The following HMCN1 variants were observed in gnomAD, a reference collection of about 807,000 sequenced individuals.
HMCN1 encodes hemicentin-1.
In HMCN1, 321 loss-of-function variants were observed where a neutral mutation model predicts 625.9. The ratio of observed to expected loss-of-function variants is 0.51; its 90% CI spans 0.47 to 0.56. The LOEUF (loss-of-function observed/expected upper bound fraction) is 0.56, where lower values mean the gene tolerates loss of function less well. Among genes scored for constraint, HMCN1 ranks in the 20% least tolerant of loss-of-function variants. The pLI is 0.00. For missense variants in HMCN1, 6,588 were observed against 6,887.3 expected, an observed-to-expected ratio of 0.96 and a Z score of 1.54; for synonymous variants, 2,425 against 2,417.6, an observed-to-expected ratio of 1.00 and a Z score of -0.09.
At chr1:186,063,294 T>C (rs1310587309) in intron 48 of HMCN1, among the ~76,000 whole-genome samples, 4 of 151,320 alleles carry the variant, frequency 2.6e-5, no homozygotes, top group Non-Finnish European at 4.4e-5. Context: ...ATAATTGGCA[T>C]TTGAAATTAA....
rs1376444145 is a variant in HMCN1 at position 185,982,298 on chromosome 1, A to G, written c.2699A>G (p.Asn900Ser). 3.7e-6 allele frequency: 6 copies of G among 1,613,110 alleles called. No individual in the cohort carries two copies. The highest frequency in any genetic ancestry group is 2.2e-5 in the South Asian group (2 of 91,060). Reference protein sequence around the residue: ...PLIGISPSVANVIEGQQLTLP... With the variant: ...PLIGISPSVASVIEGQQLTLP... ...ATTGGAATCAGCCCTTCAGTGGCCA[A>G]TGTTATTGAAGGACAGCAGCTTACT... The change falls in exon 18 of 107, where the codon AAT becomes AGT. Residue 900 changes from asparagine to serine, a missense_variant. Asn to Ser is a conservative substitution (Grantham distance 46). Coordinates refer to ENST00000271588, the MANE Select transcript of HMCN1 (RefSeq NM_031935.3).
At chr1:185,747,429 A>G (rs1489942172) in intron 1 of HMCN1, among the ~76,000 whole-genome samples, 4 of 151,278 alleles carry the variant, frequency 2.6e-5, no homozygotes, top group Non-Finnish European at 4.4e-5. Context: ...AGCAATTCTC[A>G]TGCCTTAGCC....
Position 186,018,352 on chromosome 1 carries a change from G to T in HMCN1, c.5470G>T (p.Val1824Phe). ...HKKEFEVTVH[V>F]PPTIKSSGLS... ...GAAGGAATTTGAAGTGACTGTTCAT[G>T]GTATGCTGAAGAAGGGACAGGAACT... The change falls in exon 34 of 107, where the codon GTT becomes TTT. Residue 1824 changes from valine (V) to phenylalanine (F), a missense_variant and splice_region_variant. Coordinates refer to ENST00000271588, the MANE Select transcript of HMCN1 (RefSeq NM_031935.3). 6.2e-7 allele frequency: 1 copy of T among 1,612,034 alleles called. No homozygotes were observed. Among genetic ancestry groups the T allele is most frequent in the South Asian group, 1.1e-5 (1 of 91,040 alleles).
chr1:186,135,195 G>T (rs900332714), intron 86 of HMCN1, among the ~76,000 whole-genome samples: 7 of 152,174 alleles, frequency 4.6e-5, no homozygotes, highest in Admixed American at 2.0e-4. Context: ...GTTGCATGCA[G>T]TTCCTTTTAC....
intron 2 of HMCN1, among the ~76,000 whole-genome samples, chr1:185,853,987 G>A (rs181375434): frequency 6.0e-4 from 91 of 152,282 alleles, no homozygotes; most frequent in Non-Finnish European, 1.2e-3. Context: ...CAATCCATAT[G>A]TGCTGCTTAG....
intron 29 of HMCN1, among the ~76,000 whole-genome samples, chr1:186,004,679 T>C (rs1056930858): frequency 4.6e-5 from 7 of 152,080 alleles, no homozygotes; most frequent in African/African-American, 1.4e-4. Context: ...AGTGCTCTGA[T>C]GGGGAGGATG....
chr1:186,058,238 A>G (rs1465372771), intron 46 of HMCN1, among the ~76,000 whole-genome samples: 4 of 151,996 alleles, frequency 2.6e-5, no homozygotes, highest in South Asian at 2.1e-4. Context: ...CTTATGGTGA[A>G]GTATAGCTTC....
At chr1:186,069,502 C>A (rs1192557065) in intron 50 of HMCN1, among the ~76,000 whole-genome samples, 161 bp from the exon 51 acceptor site, 1 of 152,144 alleles carries the variant, frequency 6.6e-6, no homozygotes, top group East Asian at 1.9e-4. Context: ...ACCATGCAAT[C>A]CCCATCAGTA....
chr1:185,860,897 C>A lies in HMCN1; in HGVS notation c.340-3573C>A, dbSNP rs571769247. Among the ~76,000 whole-genome samples, 4 of 151,840 alleles carry A rather than the reference C, an allele frequency of 2.6e-5. No individual in the cohort carries two copies. In the South Asian group the frequency reaches 8.4e-4, roughly 32 times the overall value. On this transcript the variant is annotated intron_variant, in intron 2 of 106. Transcript: ENST00000271588. ...GAAAATAAGGTGGTTCTAATACTTA[C>A]AGAAAAGGTTGTTGACCATCTTGAT...
chr1:186,057,672 T>C (rs963951406), intron 46 of HMCN1, among the ~76,000 whole-genome samples: 1 of 152,010 alleles, frequency 6.6e-6, no homozygotes, highest in South Asian at 2.1e-4. Context: ...GCATTCATGC[T>C]ACAGTGAGCA....
Position 185,838,887 on chromosome 1 carries a change from G to C in HMCN1, c.269-7139G>C, listed in dbSNP as rs545330030. Among the ~76,000 whole-genome samples, 5 of 152,290 alleles carry C rather than the reference G, an allele frequency of 3.3e-5. No individual in the cohort carries two copies. The South Asian group carries it at 1.0e-3, about 32-fold the overall frequency. ...ATACTGCCTGTTTGTTGAATGAATT[G>C]AAGCAAGTATTTAGGGAATACACAT... On this transcript the variant is annotated intron_variant, in intron 1 of 106. Transcript: ENST00000271588.
intron 4 of HMCN1, among the ~76,000 whole-genome samples, chr1:185,905,533 T>A (rs1401381287): frequency 6.6e-6 from 1 of 151,826 alleles, no homozygotes; most frequent in Admixed American, 6.6e-5. Context: ...TTCATTTGGA[T>A]GTAATGCATT....
chr1:185,830,089 G>A lies in HMCN1; in HGVS notation c.269-15937G>A, dbSNP rs533651932. 3.3e-5 allele frequency among the ~76,000 whole-genome samples: 5 copies of A among 152,180 alleles called. No homozygotes were observed. The East Asian group carries it at 9.6e-4, about 29-fold the overall frequency. On this transcript the variant is annotated intron_variant, in intron 1 of 106. Coordinates refer to ENST00000271588, the MANE Select transcript of HMCN1 (RefSeq NM_031935.3). ...CATATCCTTTGCCCACTTTTTGATA[G>A]AGTTGTTTGTTTTTTTCTTGTAAAT...
At chr1:186,110,319 A>G (rs1660816370) in intron 71 of HMCN1, among the ~76,000 whole-genome samples, 1 of 152,170 alleles carries the variant, frequency 6.6e-6, no homozygotes, top group Non-Finnish European at 1.5e-5. Flanking sequence ...AGGCAATGGT[A>G]ACAATTATGA....
chr1:185,879,270 A>G (rs898124850), intron 4 of HMCN1, among the ~76,000 whole-genome samples: 1 of 151,938 alleles, frequency 6.6e-6, no homozygotes, highest in African/African-American at 2.4e-5. Flanking sequence ...TTCCAGGCCC[A>G]AGCAATTCTC....
chr1:186,023,687 A>G (rs1021562064), intron 36 of HMCN1, among the ~76,000 whole-genome samples: 33 of 152,330 alleles, frequency 2.2e-4, no homozygotes, highest in Non-Finnish European at 2.1e-4. Flanking sequence ...GCTCATCAGA[A>G]AAGGCCAATA....
chr1:186,136,163 G>A (rs1649591755), intron 86 of HMCN1, among the ~76,000 whole-genome samples: 1 of 135,892 alleles, frequency 7.4e-6, no homozygotes, highest in Non-Finnish European at 1.5e-5. Context: ...GTGACAAAGG[G>A]AGACTCTGGC....
At chr1:185,748,034 ATTTTTTTTTTT>A (rs36021341) in intron 1 of HMCN1, among the ~76,000 whole-genome samples, 14 of 118,152 alleles carry the variant, frequency 1.2e-4, no homozygotes, top group African/African-American at 3.3e-4. Flanking sequence ...GGTACTTAAA[ATTTTTTTTTTT>A]TTTTTTTTTT....
At chr1:185,918,794 C>T (rs1401070477) in intron 6 of HMCN1, among the ~76,000 whole-genome samples, 2 of 152,114 alleles carry the variant, frequency 1.3e-5, no homozygotes, top group African/African-American at 2.4e-5. Context: ...CACAACTCTT[C>T]CTAGCTCAGA....
Sources: allele counts gnomAD v4.1 joint callset (sites outside exome capture counted in the v4.1 genomes callset), GRCh38; gene constraint gnomAD v4.1.1; transcripts MANE v1.5; gene names NCBI Gene and HGNC (gene_info 2026-07-23, HGNC 2026-07-21).